CTNNA3: variants seen among roughly 807,000 people sequenced by gnomAD.
CTNNA3 encodes the protein catenin alpha-3.
A neutral mutation model predicts 95.7 loss-of-function variants in CTNNA3; 76 were observed. The ratio of observed to expected loss-of-function variants is 0.79; its 90% CI spans 0.66 to 0.96. CTNNA3 has a LOEUF of 0.96. CTNNA3 is among the 40% of genes least tolerant of loss of function. The probability of loss-of-function intolerance (pLI) is 0.00; values close to 1 mark genes in which losing one functional copy is unlikely to be tolerated. For missense variants in CTNNA3, 1,191 were observed against 1,089.8 expected (o/e 1.09, Z -1.31); for synonymous variants, 431 against 374.4 (o/e 1.15, Z -1.74).
intron 3 of CTNNA3, among the ~76,000 whole-genome samples, chr10:67,580,728 T>C (rs1230986619): frequency 5.9e-5 from 9 of 152,118 alleles, no homozygotes; most frequent in Non-Finnish European, 1.2e-4. Context: ...TCCTCTTTTA[T>C]TTCATTGAGC....
chr10:66,633,416 C>T (rs772752315), intron 9 of CTNNA3, among the ~76,000 whole-genome samples: 1 of 152,166 alleles, frequency 6.6e-6, no homozygotes, highest in Non-Finnish European at 1.5e-5. Context: ...TGCAGTGGCT[C>T]ACGCCTGTAA....
At chr10:66,173,858 G>A (rs555225885) in intron 13 of CTNNA3, among the ~76,000 whole-genome samples, 23 of 152,150 alleles carry the variant, frequency 1.5e-4, no homozygotes, top group Non-Finnish European at 2.9e-4. Context: ...CACCTACTAT[G>A]TTCCAGGTAC....
chr10:66,167,558 A>T (rs2085198907), intron 13 of CTNNA3, among the ~76,000 whole-genome samples: 1 of 152,098 alleles, frequency 6.6e-6, no homozygotes, highest in African/African-American at 2.4e-5. Flanking sequence ...GGAAAATAAG[A>T]ATGTTTATAA....
At chr10:67,317,365 C>A (rs1270169407) in intron 5 of CTNNA3, among the ~76,000 whole-genome samples, 1 of 150,970 alleles carries the variant, frequency 6.6e-6, no homozygotes, top group African/African-American at 2.4e-5. Flanking sequence ...CTCCCCCGTC[C>A]CCCCACCCCA....
At chr10:66,489,547 TACAC>T (rs944042437) in intron 11 of CTNNA3, among the ~76,000 whole-genome samples, 2 of 152,022 alleles carry the variant, frequency 1.3e-5, no homozygotes, top group African/African-American at 4.8e-5. Flanking sequence ...CAACGTTATG[TACAC>T]ACACACACTT....
At chr10:66,100,197 T>G (rs1032257974) in intron 14 of CTNNA3, among the ~76,000 whole-genome samples, 1 of 152,134 alleles carries the variant, frequency 6.6e-6, no homozygotes, top group Non-Finnish European at 1.5e-5. Context: ...TACTACTTGA[T>G]CCTACTGGGG....
chr10:67,562,512 AC>A (rs1297212584), intron 3 of CTNNA3, among the ~76,000 whole-genome samples: 1 of 152,190 alleles, frequency 6.6e-6, no homozygotes, highest in East Asian at 1.9e-4. Flanking sequence ...GCTATCTATG[AC>A]AAACCCACAG....
At chr10:66,207,297 A>G (rs2087824307) in intron 13 of CTNNA3, among the ~76,000 whole-genome samples, 1 of 151,954 alleles carries the variant, frequency 6.6e-6, no homozygotes, top group African/African-American at 2.4e-5. Context: ...AAACTTATCT[A>G]TCATATTTTA....
chr10:66,250,596 C>G (rs2090510797), intron 13 of CTNNA3, among the ~76,000 whole-genome samples: 2 of 152,034 alleles, frequency 1.3e-5, no homozygotes, highest in Admixed American at 1.3e-4. Context: ...TTTTGAACGG[C>G]AGGAGCAAAA....
At chr10:67,665,297 C>T (rs956655048) in intron 1 of CTNNA3, among the ~76,000 whole-genome samples, 64 of 152,174 alleles carry the variant, frequency 4.2e-4, no homozygotes, top group African/African-American at 1.5e-3. Flanking sequence ...CTAATATACT[C>T]GGAAAAGTAG....
chr10:67,204,727 A>G (rs185566623), intron 6 of CTNNA3, among the ~76,000 whole-genome samples: 1 of 152,172 alleles, frequency 6.6e-6, no homozygotes, highest in Non-Finnish European at 1.5e-5. Context: ...ACAGCATTGC[A>G]ATAAAGATTT....
At chr10:67,127,111 C>A (rs1859754980) in intron 7 of CTNNA3, among the ~76,000 whole-genome samples, 1 of 151,986 alleles carries the variant, frequency 6.6e-6, no homozygotes, top group African/African-American at 2.4e-5. Flanking sequence ...AATTATTTTC[C>A]CGCTTTATTT....
chr10:67,616,984 G>C (rs995823995), intron 2 of CTNNA3, among the ~76,000 whole-genome samples: 2 of 152,030 alleles, frequency 1.3e-5, no homozygotes, highest in African/African-American at 4.8e-5. Context: ...CCAACAATTA[G>C]GTGTAGTATT....
At chr10:66,850,961 A>C (rs1036168982) in intron 7 of CTNNA3, among the ~76,000 whole-genome samples, 1 of 152,118 alleles carries the variant, frequency 6.6e-6, no homozygotes, top group African/African-American at 2.4e-5. Flanking sequence ...CAGGGATTTT[A>C]AATTATTTTT....
intron 1 of CTNNA3, among the ~76,000 whole-genome samples, chr10:67,726,564 A>ATTATATAATATGTAATAT (rs1239359398): frequency 2.8e-5 from 2 of 70,850 alleles, no homozygotes; most frequent in East Asian, 6.6e-4. Flanking sequence ...ATAATATAAT[A>ATTATATAATATGTAATAT]TATATTACAT....
In CTNNA3 at chr10:67,647,419, A is replaced by G; in HGVS notation, c.95T>C (p.Ile32Thr). 6.2e-7 allele frequency: 1 copy of G among 1,611,156 alleles called. No individual in the cohort carries two copies. Residue 32 changes from isoleucine to threonine, a missense_variant, in exon 2 of 18, where the codon ATC becomes ACC. Transcript: ENST00000433211. ...TVEKLLEPLI[I>T]QVTTLVNCPQ... Reference sequence around the variant, plus strand: ...TAATTTCCATGGTATTAATACCTGGATTATGAGAGGCTCCAGTAGCTTCTC... The same window carrying G: ...TAATTTCCATGGTATTAATACCTGGGTTATGAGAGGCTCCAGTAGCTTCTC...
intron 10 of CTNNA3, among the ~76,000 whole-genome samples, chr10:66,588,544 T>G (rs1240719782): frequency 6.6e-6 from 1 of 152,110 alleles, no homozygotes; most frequent in Non-Finnish European, 1.5e-5. Context: ...TTGACATCAT[T>G]TGGGGGTCTG....
intron 1 of CTNNA3, among the ~76,000 whole-genome samples, chr10:67,689,436 C>T (rs955612284): frequency 6.6e-6 from 1 of 152,122 alleles, no homozygotes; most frequent in Non-Finnish European, 1.5e-5. Flanking sequence ...TACTAGAAAT[C>T]ATTCTTATAG....
intron 5 of CTNNA3, among the ~76,000 whole-genome samples, chr10:67,425,014 CATCAGTGTGTCACTCAAAG>C (rs1845870615): frequency 6.6e-6 from 1 of 152,062 alleles, no homozygotes; most frequent in Non-Finnish European, 1.5e-5. Flanking sequence ...GGGGCTTAGA[CATCAGTGTGTCACTCAAAG>C]CACTTAGTAT....
Sources: allele counts gnomAD v4.1 joint callset (sites outside exome capture counted in the v4.1 genomes callset), GRCh38; gene constraint gnomAD v4.1.1; transcripts MANE v1.5; gene names NCBI Gene and HGNC (gene_info 2026-07-23, HGNC 2026-07-21).